NKAIN2: variants seen among roughly 807,000 people sequenced by gnomAD.
The protein encoded by NKAIN2 is sodium/potassium-transporting ATPase subunit beta-1-interacting protein 2.
A neutral mutation model predicts 32.6 loss-of-function variants in NKAIN2; 14 were observed. The ratio of observed to expected loss-of-function variants is 0.43; its 90% CI spans 0.28 to 0.67. The LOEUF (loss-of-function observed/expected upper bound fraction) is 0.67. Ranked by LOEUF, NKAIN2 falls within the 30% of genes least tolerant of loss-of-function variation. The pLI is 0.17. For synonymous variants in NKAIN2, 80 were observed against 87.2 expected (o/e 0.92, Z 0.46); for missense variants, 198 against 258.3 (o/e 0.77, Z 1.60).
intron 3 of NKAIN2, among the ~76,000 whole-genome samples, chr6:124,564,652 G>A (rs1485504834): frequency 1.3e-5 from 2 of 152,152 alleles, no homozygotes; most frequent in Non-Finnish European, 2.9e-5. Flanking sequence ...CTTCATTCTT[G>A]AAGTCAGCAA....
At chr6:124,775,854 TC>T (rs1460303960) in intron 4 of NKAIN2, among the ~76,000 whole-genome samples, 4 of 152,128 alleles carry the variant, frequency 2.6e-5, no homozygotes, top group Admixed American at 1.3e-4. Flanking sequence ...CCTTTTACTA[TC>T]CTGAACATTT....
At position 124,737,814 on chromosome 6, in the gene NKAIN2, C is replaced by T. The variant is rs369251980; in HGVS notation, c.475-53525C>T. On this transcript the variant is annotated intron_variant, in intron 4 of 6. Transcript: ENST00000368417. Reference sequence around the variant, plus strand: ...TTGTTGAGAACTGGAGCAAAGGTAACTCTTGTTATGCTTCAGCAAAGAGAC... The same window carrying T: ...TTGTTGAGAACTGGAGCAAAGGTAATTCTTGTTATGCTTCAGCAAAGAGAC... Among the ~76,000 whole-genome samples, 38 of 151,990 alleles carry T rather than the reference C, an allele frequency of 2.5e-4. 1 individual carries two copies. In the East Asian group the frequency reaches 5.3e-3, roughly 21 times the overall value.
intron 3 of NKAIN2, among the ~76,000 whole-genome samples, chr6:124,385,436 G>T (rs1351799214): frequency 6.6e-6 from 1 of 151,932 alleles, no homozygotes; most frequent in African/African-American, 2.4e-5. Flanking sequence ...AGCAATGCAC[G>T]ATTATAACCA....
chr6:124,302,510 A>G (rs936633789), intron 2 of NKAIN2, among the ~76,000 whole-genome samples: 3 of 152,170 alleles, frequency 2.0e-5, no homozygotes, highest in African/African-American at 7.2e-5. Context: ...AAAATGGGTA[A>G]TGTTTTTTAA....
intron 1 of NKAIN2, among the ~76,000 whole-genome samples, chr6:124,245,833 TA>T (rs1471415621): frequency 6.6e-6 from 1 of 152,092 alleles, no homozygotes; most frequent in Admixed American, 6.6e-5. Flanking sequence ...AGGGGCATAT[TA>T]AGAGTATGTA....
intron 4 of NKAIN2, among the ~76,000 whole-genome samples, chr6:124,751,391 C>T (rs1333833141): frequency 6.6e-6 from 1 of 151,816 alleles, no homozygotes; most frequent in Non-Finnish European, 1.5e-5. Context: ...GTGTTAGGAG[C>T]CTAGAGTCAA....
chr6:124,308,022 G>A (rs895422851), intron 2 of NKAIN2, among the ~76,000 whole-genome samples: 5 of 151,116 alleles, frequency 3.3e-5, no homozygotes, highest in South Asian at 2.1e-4. Flanking sequence ...TGTGTAGAAC[G>A]TGTAGGTTTG....
chr6:124,654,857 G>T (rs1434431494), intron 3 of NKAIN2, among the ~76,000 whole-genome samples: 1 of 152,150 alleles, frequency 6.6e-6, no homozygotes, highest in Non-Finnish European at 1.5e-5. Context: ...TTCACAGAAA[G>T]CCCCTTGAAA....
At chr6:124,445,987 G>A (rs1775875890) in intron 3 of NKAIN2, among the ~76,000 whole-genome samples, 1 of 152,048 alleles carries the variant, frequency 6.6e-6, no homozygotes, top group African/African-American at 2.4e-5. Context: ...CAATTTGTGT[G>A]CCTTCAAAAT....
intron 4 of NKAIN2, among the ~76,000 whole-genome samples, chr6:124,754,641 T>C (rs1276322233): frequency 1.3e-5 from 2 of 152,064 alleles, no homozygotes; most frequent in Non-Finnish European, 2.9e-5. Context: ...AAATAACAGA[T>C]GCTGGAGCGG....
At chr6:124,277,193 A>C (rs1267685748) in intron 1 of NKAIN2, among the ~76,000 whole-genome samples, 1 of 152,174 alleles carries the variant, frequency 6.6e-6, no homozygotes, top group Non-Finnish European at 1.5e-5. Context: ...TGCTACTGGA[A>C]ACTAGAAATT....
chr6:124,813,302 A>G (rs1780999296), intron 5 of NKAIN2, among the ~76,000 whole-genome samples: 1 of 152,174 alleles, frequency 6.6e-6, no homozygotes, highest in African/African-American at 2.4e-5. Context: ...TAGATCAAAG[A>G]AGAATCTAAT....
At chr6:124,819,012 T>G (rs1781286851) in intron 6 of NKAIN2, 1 of 202,894 alleles carries the variant, frequency 4.9e-6, no homozygotes, top group African/African-American at 2.4e-5. Flanking sequence ...ACACTGAAAT[T>G]TATCGAACCC....
At chr6:123,930,436 T>A (rs998534328) in intron 1 of NKAIN2, among the ~76,000 whole-genome samples, 1 of 152,198 alleles carries the variant, frequency 6.6e-6, no homozygotes, top group South Asian at 2.1e-4. Context: ...TTCTTGATTA[T>A]ACTGCATATG....
At chr6:123,925,705 T>C (rs1303750753) in intron 1 of NKAIN2, among the ~76,000 whole-genome samples, 1 of 152,174 alleles carries the variant, frequency 6.6e-6, no homozygotes. Flanking sequence ...CAGGGGACTT[T>C]TTGGTGAACT....
intron 3 of NKAIN2, among the ~76,000 whole-genome samples, chr6:124,376,941 T>C (rs1409302065): frequency 6.6e-6 from 1 of 152,128 alleles, no homozygotes; most frequent in Non-Finnish European, 1.5e-5. Flanking sequence ...AGCTTCTGGA[T>C]CAACAAAATA....
chr6:124,699,606 T>C (rs1276118303), intron 4 of NKAIN2, among the ~76,000 whole-genome samples: 1 of 152,070 alleles, frequency 6.6e-6, no homozygotes, highest in Non-Finnish European at 1.5e-5. Context: ...TTTTTAAAAG[T>C]GTGGAGCACC....
At chr6:124,199,195 A>T (rs545464838) in intron 1 of NKAIN2, among the ~76,000 whole-genome samples, 1 of 152,284 alleles carries the variant, frequency 6.6e-6, no homozygotes, top group East Asian at 1.9e-4. Flanking sequence ...ATCTCCTAAA[A>T]AGTGTCTGGA....
chr6:124,661,005 A>G (rs982849981), intron 4 of NKAIN2, among the ~76,000 whole-genome samples: 1 of 152,142 alleles, frequency 6.6e-6, no homozygotes, highest in Admixed American at 6.6e-5. Context: ...CATCTCCTTG[A>G]CAATCAAATG....
Sources: allele counts gnomAD v4.1 joint callset (sites outside exome capture counted in the v4.1 genomes callset), GRCh38; gene constraint gnomAD v4.1.1; transcripts MANE v1.5; gene names NCBI Gene and HGNC (gene_info 2026-07-23, HGNC 2026-07-21).